NXF3: variants seen among roughly 807,000 people sequenced by gnomAD.
NXF3 encodes TAP-like protein 3.
Under a neutral mutation model 48.4 loss-of-function variants are expected in NXF3, and 34 were observed. The observed-to-expected ratio is 0.70, with a 90% confidence interval of 0.53 to 0.93. The LOEUF is 0.93. NXF3 is among the 40% of genes least tolerant of loss of function. NXF3 has a pLI of 0.00. For missense variants in NXF3, 359 were observed against 406.1 expected (o/e 0.88, Z 1.00); for synonymous variants, 132 against 145.7 (o/e 0.91, Z 0.68).
intron 1 of NXF3, chrX:103,087,388 A>C: frequency 8.5e-7 from 1 of 1,170,638 alleles, no homozygotes; most frequent in Non-Finnish European, 1.2e-6. Context: ...TAAAACCTTT[A>C]GACAACTAGT....
chrX:103,091,045 T>C (rs4907824), intron 1 of NXF3, among the ~76,000 whole-genome samples: 30,713 of 111,286 alleles, frequency 0.28, 3,370 homozygotes, highest in Middle Eastern at 0.43. Flanking sequence ...CCTTATTATG[T>C]CTGAAATTAT....
rs942201644 is a variant in NXF3, at chrX:103,084,262, T to C, written c.351+80A>G. On this transcript the variant is annotated intron_variant, in intron 3 of 19. Transcript: ENST00000395065. ...ACATACTTTCCTGCCCTTACAAAAG[T>C]ATCTAGTGTCCACACAAATCCAACA... The C allele has an allele frequency of 1.1e-4, 120 of 1,090,306 alleles. No homozygotes were observed. The African/African-American group carries it at 2.0e-3, about 18-fold the overall frequency. 89.9% of individuals were successfully genotyped at this position (1,090,306 alleles called of 1,213,427 possible).
chrX:103,080,616 C>A lies in NXF3; in HGVS notation c.891-4G>T. On this transcript the variant is annotated splice_region_variant and splice_polypyrimidine_tract_variant and intron_variant, in intron 9 of 19. Coordinates refer to ENST00000395065, the MANE Select transcript of NXF3 (RefSeq NM_022052.2). ...GGGGAACAATTCCAGGATGGAGCTG[C>A]CGAAAATCAAAACAAAATGGACAAC... The A allele has an allele frequency of 5.8e-6, 7 of 1,210,081 alleles. No individual in the cohort carries two copies. Among genetic ancestry groups the A allele is most frequent in the Non-Finnish European group, 7.8e-6 (7 of 893,811 alleles).
chrX:103,091,345 G>T (rs1922267829), intron 1 of NXF3, among the ~76,000 whole-genome samples: 1 of 112,098 alleles, frequency 8.9e-6, no homozygotes, highest in South Asian at 3.7e-4. Flanking sequence ...CACGGACTCT[G>T]CCTCTGTGAA....
At chrX:103,087,006 G>C (rs949775717) in intron 1 of NXF3, among the ~76,000 whole-genome samples, 9 of 112,087 alleles carry the variant, frequency 8.0e-5, no homozygotes, top group African/African-American at 2.9e-4. Context: ...GAAGTGGAGA[G>C]ACTCCCAGGG....
intron 8 of NXF3, 26 bp from the exon 9 acceptor site, chrX:103,082,390 AGACCCAGGAAAGAGCAGCTG>A: frequency 9.3e-7 from 1 of 1,073,738 alleles, no homozygotes; most frequent in East Asian, 3.0e-5. Context: ...AGAACCACGT[AGACCCAGGAAAGAGCAGCTG>A]GAGGGCCCTG....
intron 1 of NXF3, chrX:103,087,590 C>T: frequency 1.0e-6 from 1 of 961,129 alleles, no homozygotes; most frequent in Admixed American, 2.2e-5. Flanking sequence ...GTGTATAATA[C>T]TTTTACCAGA....
intron 8 of NXF3, 137 bp from the exon 9 acceptor site, chrX:103,082,501 T>C: frequency 2.1e-6 from 1 of 485,801 alleles, no homozygotes; most frequent in Non-Finnish European, 3.6e-6. Context: ...TCCCCCTTTT[T>C]CTTCAAAGAA....
intron 18 of NXF3, among the ~76,000 whole-genome samples, chrX:103,077,366 TC>T (rs1300559756): frequency 1.9e-5 from 2 of 106,923 alleles, no homozygotes; most frequent in Non-Finnish European, 3.8e-5. Flanking sequence ...TTCTCCTGCC[TC>T]AGGCTCCCAA....
intron 3 of NXF3, 76 bp from the exon 4 acceptor site, chrX:103,083,768 A>G (rs1922078839): frequency 1.3e-6 from 1 of 752,263 alleles, no homozygotes; most frequent in African/African-American, 2.1e-5. Context: ...GGACCCAAAT[A>G]TGTTCCTTTC....
In NXF3 at chrX:103,078,622, C is replaced by A; in HGVS notation, c.1389G>T (p.Gln463His). The change falls in exon 17 of 20, where the codon CAG becomes CAT. Residue 463 changes from glutamine to histidine, a missense_variant. Coordinates refer to ENST00000395065, the MANE Select transcript of NXF3 (RefSeq NM_022052.2). ...TGAAGGCGAGAACAGAACCCTGAGACTGTCCTTCCACTTCAAAGACAACAA... is the reference window on the plus strand; with the variant it reads ...TGAAGGCGAGAACAGAACCCTGAGAATGTCCTTCCACTTCAAAGACAACAA... ...VNGVFKEVEG[Q>H]SQGSVLAFTR... The A allele has an allele frequency of 3.3e-6, 4 of 1,212,080 alleles. No individual in the cohort carries two copies. Among genetic ancestry groups the A allele is most frequent in the Non-Finnish European group, 4.5e-6 (4 of 895,641 alleles).
intron 8 of NXF3, 47 bp downstream of exon 8, chrX:103,082,713 T>C: frequency 9.6e-7 from 1 of 1,046,366 alleles, no homozygotes. Context: ...TCCTAGCTAA[T>C]CTCTTCCACC....
In NXF3 at chrX:103,092,879, C is replaced by T. The variant is rs1049795078; in HGVS notation, c.28+117G>A. ...GGCCTGGGCCCTTGCCACTGCCCAC[C>T]CCCATCTAAAGGGAGATTGGCTGGG... On this transcript the variant is annotated intron_variant, in intron 1 of 19. Coordinates refer to ENST00000395065, the MANE Select transcript of NXF3 (RefSeq NM_022052.2). The T allele has an allele frequency of 4.0e-6, 3 of 752,194 alleles. No individual in the cohort carries two copies. The African/African-American group carries it at 6.1e-5, about 15-fold the overall frequency. The allele number at this position is 752,194 out of a possible 1,213,427, so 62.0% of individuals were successfully genotyped here.
chrX:103,083,800 T>C, intron 3 of NXF3, 108 bp from the exon 4 acceptor site: 4 of 519,397 alleles, frequency 7.7e-6, no homozygotes, highest in Non-Finnish European at 1.3e-5. Context: ...TAGTTTAAGA[T>C]AGGACAACAT....
chrX:103,089,592 T>C (rs1306611418), intron 1 of NXF3, among the ~76,000 whole-genome samples: 1 of 112,338 alleles, frequency 8.9e-6, no homozygotes, highest in Admixed American at 9.4e-5. Context: ...TCTCATTCAT[T>C]TTTAAAGGAA....
At chrX:103,092,910 T>C (rs377188536) in intron 1 of NXF3, 86 bp downstream of exon 1, 293 of 927,399 alleles carry the variant, frequency 3.2e-4, no homozygotes, top group Admixed American at 5.6e-4. Flanking sequence ...CTGGGTGTTA[T>C]GTGGGTTAGG....
rs73523994 is a variant in NXF3 at position 103,076,134 on chromosome X, G to A, written c.*49+107C>T. The A allele has an allele frequency of 5.6e-3, 3,134 of 559,725 alleles. 75 individuals carry two copies. In the African/African-American group the frequency reaches 0.058, roughly 10 times the overall value. 46.1% of individuals were successfully genotyped at this position (559,725 alleles called of 1,213,427 possible). ...CTTCTCTAGGATCTTGCCCTTGGCCGAGAGGAAGTGCAGGAGGGAGCTGGG... is the reference window on the plus strand; with the variant it reads ...CTTCTCTAGGATCTTGCCCTTGGCCAAGAGGAAGTGCAGGAGGGAGCTGGG... On this transcript the variant is annotated intron_variant, in intron 19 of 19. Transcript: ENST00000395065.
intron 1 of NXF3, among the ~76,000 whole-genome samples, chrX:103,085,964 A>G (rs886390374): frequency 5.9e-4 from 63 of 107,543 alleles, no homozygotes; most frequent in African/African-American, 2.1e-3. Context: ...ATCTAACACT[A>G]CTTCTCCACT....
intron 1 of NXF3, among the ~76,000 whole-genome samples, chrX:103,085,898 GT>G (rs1387863213): frequency 3.3e-5 from 1 of 29,892 alleles, no homozygotes; most frequent in East Asian, 1.1e-3. Flanking sequence ...GCGAGACTCT[GT>G]CAAAAAAAAA....
Sources: gnomAD v4.1 joint callset for allele counts (sites outside exome capture counted in the v4.1 genomes callset) on GRCh38, gnomAD v4.1.1 for gene constraint, MANE v1.5 for transcripts, NCBI Gene and HGNC (gene_info 2026-07-23, HGNC 2026-07-21) for gene names.